The following CSMD1 variants were observed in gnomAD, a reference collection of about 807,000 sequenced individuals.
CSMD1 encodes the protein CUB and Sushi multiple domains 1.
A neutral mutation model predicts 417.5 loss-of-function variants in CSMD1; 213 were observed. The observed-to-expected ratio is 0.51, with a 90% confidence interval of 0.46 to 0.57. The LOEUF is 0.57. Among genes scored for constraint, CSMD1 ranks in the 20% least tolerant of loss-of-function variants. The pLI is 0.00. For synonymous variants in CSMD1, 2,862 were observed against 1,736.8 expected, an observed-to-expected ratio of 1.65 and a Z score of -16.11; for missense variants, 6,923 against 4,529.7, an observed-to-expected ratio of 1.53 and a Z score of -15.17.
At chr8:3,314,636 C>G (rs191975088) in intron 23 of CSMD1, among the ~76,000 whole-genome samples, 17 of 152,290 alleles carry the variant, frequency 1.1e-4, no homozygotes, top group African/African-American at 3.8e-4. Context: ...CAAAATACTA[C>G]GAACAAAATG....
intron 2 of CSMD1, among the ~76,000 whole-genome samples, chr8:4,435,811 G>A (rs953139271): frequency 2.6e-5 from 4 of 152,148 alleles, no homozygotes; most frequent in Admixed American, 1.3e-4. Flanking sequence ...ACCGTGTCCC[G>A]AACACCTTCA....
intron 3 of CSMD1, among the ~76,000 whole-genome samples, chr8:4,154,159 C>G (rs1388725176): frequency 1.3e-5 from 2 of 152,086 alleles, no homozygotes; most frequent in South Asian, 4.1e-4. Context: ...CAATTTTACA[C>G]CTATGATAGG....
intron 3 of CSMD1, among the ~76,000 whole-genome samples, chr8:4,320,749 G>C (rs938862605): frequency 1.3e-5 from 2 of 152,084 alleles, no homozygotes; most frequent in Non-Finnish European, 2.9e-5. Flanking sequence ...TATTTACCCA[G>C]TCTATCATTG....
At chr8:4,797,342 A>C (rs1414925116) in intron 1 of CSMD1, among the ~76,000 whole-genome samples, 1 of 152,196 alleles carries the variant, frequency 6.6e-6, no homozygotes. Flanking sequence ...CCTGGAATGA[A>C]GCAGGAGAAA....
chr8:4,375,913 C>T (rs1802703263), intron 3 of CSMD1, among the ~76,000 whole-genome samples: 1 of 152,174 alleles, frequency 6.6e-6, no homozygotes, highest in South Asian at 2.1e-4. Flanking sequence ...ATACGGCCAC[C>T]ACCTCCTGCT....
At chr8:4,589,395 A>G (rs1163604688) in intron 2 of CSMD1, among the ~76,000 whole-genome samples, 1 of 152,150 alleles carries the variant, frequency 6.6e-6, no homozygotes, top group African/African-American at 2.4e-5. Flanking sequence ...TGAACCAAAA[A>G]CCAATGATAG....
chr8:3,309,605 G>A (rs1300140796), intron 23 of CSMD1, among the ~76,000 whole-genome samples: 7 of 145,126 alleles, frequency 4.8e-5, no homozygotes, highest in Admixed American at 2.3e-4. Context: ...ATATCATGAT[G>A]CAAATTTTGA....
chr8:4,740,370 A>C (rs180718656), intron 1 of CSMD1, among the ~76,000 whole-genome samples: 1 of 152,146 alleles, frequency 6.6e-6, no homozygotes, highest in Admixed American at 6.5e-5. Context: ...TTTATTGTAG[A>C]AATACAGTAT....
intron 3 of CSMD1, among the ~76,000 whole-genome samples, chr8:4,158,083 A>G (rs1050456356): frequency 8.6e-5 from 9 of 105,064 alleles, no homozygotes; most frequent in Non-Finnish European, 1.3e-4. Context: ...ACAATACAAG[A>G]AAACCCTTTT....
At chr8:4,623,422 A>G (rs1801894692) in intron 2 of CSMD1, among the ~76,000 whole-genome samples, 1 of 152,200 alleles carries the variant, frequency 6.6e-6, no homozygotes, top group Admixed American at 6.5e-5. Flanking sequence ...AAAACATTTT[A>G]GCCACTTCTT....
At chr8:4,660,802 A>T (rs1410335865) in intron 1 of CSMD1, among the ~76,000 whole-genome samples, 1 of 152,090 alleles carries the variant, frequency 6.6e-6, no homozygotes, top group Non-Finnish European at 1.5e-5. Flanking sequence ...CAATTAGAAA[A>T]TGGGCAAAAT....
At chr8:4,794,076 T>A (rs1797843393) in intron 1 of CSMD1, among the ~76,000 whole-genome samples, 1 of 152,206 alleles carries the variant, frequency 6.6e-6, no homozygotes, top group Non-Finnish European at 1.5e-5. Context: ...GATTTATATT[T>A]TTCTCAAAAC....
At chr8:4,009,726 C>G (rs2554671) in intron 4 of CSMD1, among the ~76,000 whole-genome samples, 91,983 of 151,920 alleles carry the variant, frequency 0.61, 28,103 homozygotes, top group East Asian at 0.68. Context: ...TCAGGATGTA[C>G]CTACCTCCAC....
chr8:4,674,638 G>C (rs1411452204), intron 1 of CSMD1, among the ~76,000 whole-genome samples: 1 of 151,870 alleles, frequency 6.6e-6, no homozygotes, highest in Non-Finnish European at 1.5e-5. Context: ...AATAGTGTTT[G>C]GTAAAACAAA....
intron 69 of CSMD1, 85 bp downstream of exon 69, chr8:2,942,387 C>A (rs1801938460): frequency 6.2e-6 from 7 of 1,136,258 alleles, no homozygotes; most frequent in South Asian, 5.6e-5. Context: ...AATACATGTG[C>A]ATGTGAGCAC....
At chr8:3,125,864 C>G (rs1817481282) in intron 41 of CSMD1, among the ~76,000 whole-genome samples, 1 of 152,156 alleles carries the variant, frequency 6.6e-6, no homozygotes, top group Non-Finnish European at 1.5e-5. Context: ...GTAACCCCAG[C>G]TACTCGGGAG....
At chr8:4,731,164 T>C (rs1269647439) in intron 1 of CSMD1, among the ~76,000 whole-genome samples, 3 of 152,218 alleles carry the variant, frequency 2.0e-5, no homozygotes, top group Non-Finnish European at 2.9e-5. Flanking sequence ...CTTTCCGAGC[T>C]GTAACTGAAA....
chr8:3,611,408 G>A (rs959857737), intron 8 of CSMD1, among the ~76,000 whole-genome samples: 1 of 152,048 alleles, frequency 6.6e-6, no homozygotes, highest in Non-Finnish European at 1.5e-5. Flanking sequence ...AGTTGAGCTG[G>A]CTGCTTGCTT....
chr8:3,144,219 G>A (rs994170972), intron 40 of CSMD1, among the ~76,000 whole-genome samples: 1 of 152,102 alleles, frequency 6.6e-6, no homozygotes, highest in African/African-American at 2.4e-5. Flanking sequence ...CACGGGAAAT[G>A]GCAGAGTGAA....
Sources: allele counts gnomAD v4.1 joint callset (sites outside exome capture counted in the v4.1 genomes callset), GRCh38; gene constraint gnomAD v4.1.1; transcripts MANE v1.5; gene names NCBI Gene and HGNC (gene_info 2026-07-23, HGNC 2026-07-21).